The following WDR37 variants were observed in gnomAD, a reference collection of about 807,000 sequenced individuals.
WDR37 encodes the protein WD repeat domain 37, also known as WD repeat-containing protein 37.
A neutral mutation model predicts 62.9 loss-of-function variants in WDR37; 19 were observed. The observed-to-expected ratio is 0.30, with a 90% CI of 0.21 to 0.44. The LOEUF is 0.44. Among genes scored for constraint, WDR37 ranks in the 20% least tolerant of loss-of-function variants. The pLI is 1.00. For missense variants in WDR37, 474 were observed against 657.6 expected (o/e 0.72, Z 3.05); for synonymous variants, 250 against 260.9 (o/e 0.96, Z 0.40).
At chr10:1,067,513 A>T (rs975508283) in intron 1 of WDR37, among the ~76,000 whole-genome samples, 1 of 152,228 alleles carries the variant, frequency 6.6e-6, no homozygotes, top group Non-Finnish European at 1.5e-5. Context: ...TTGCAGCTTA[A>T]CCTATGTGAC....
intron 2 of WDR37, among the ~76,000 whole-genome samples, chr10:1,074,723 T>TGAC (rs1833818154): frequency 1.3e-5 from 2 of 152,170 alleles, no homozygotes; most frequent in African/African-American, 4.8e-5. Context: ...CAGTGTAGAG[T>TGAC]GACGCCCTTT....
intron 5 of WDR37, 30 bp from the exon 6 acceptor site, chr10:1,084,373 G>T (rs1307315451): frequency 6.3e-7 from 1 of 1,595,788 alleles, no homozygotes; most frequent in South Asian, 1.1e-5. Flanking sequence ...TCAGTAAATT[G>T]TTTCACAAGA....
In WDR37 at chr10:1,132,302, A is replaced by T. The variant is rs1589131669; in HGVS notation, c.*2958A>T. 6.6e-6 allele frequency: 1 copy of T among 152,148 alleles called. No individual in the cohort carries two copies. Among genetic ancestry groups the T allele is most frequent in the African/African-American group, 2.4e-5 (1 of 41,426 alleles). The allele number at this position is 152,148 out of a possible 1,614,324, so 9.4% of individuals were successfully genotyped here. A position where few individuals can be genotyped will look rare whatever the true frequency, so the allele number is the denominator to read the frequency against. On this transcript the variant is annotated 3_prime_UTR_variant, in exon 14 of 14. Coordinates refer to ENST00000263150, the MANE Select transcript of WDR37 (RefSeq NM_014023.4). ...AAATATAATACTGGTCACTCGAAAAATTTTTAGACTTAAAAAGTCAGTTGT... is the reference window on the plus strand; with the variant it reads ...AAATATAATACTGGTCACTCGAAAATTTTTTAGACTTAAAAAGTCAGTTGT...
At chr10:1,126,412 A>AC (rs1189937389) in intron 13 of WDR37, among the ~76,000 whole-genome samples, 10 of 151,644 alleles carry the variant, frequency 6.6e-5, no homozygotes, top group East Asian at 1.9e-4. Context: ...TCTCAGAAAA[A>AC]AAAAAAAGAA....
At chr10:1,057,798 A>G (rs1454005949) in intron 1 of WDR37, among the ~76,000 whole-genome samples, 1 of 152,244 alleles carries the variant, frequency 6.6e-6, no homozygotes, top group Non-Finnish European at 1.5e-5. Context: ...GGATACCATT[A>G]TAGAAAAGTG....
intron 11 of WDR37, among the ~76,000 whole-genome samples, chr10:1,111,636 T>C (rs542106967): frequency 2.6e-5 from 4 of 152,358 alleles, no homozygotes; most frequent in Admixed American, 6.5e-5. Context: ...GTCTTATTTC[T>C]TTCCACTCTG....
At chr10:1,057,313 G>GGGCGCTGGAGGGCCCGGGGC (rs61571350) in intron 1 of WDR37, among the ~76,000 whole-genome samples, 131,834 of 146,462 alleles carry the variant, frequency 0.9, 58,643 homozygotes, top group South Asian at 0.96. Flanking sequence ...GGAAGAGTCG[G>GGGCGCTGGAGGGCCCGGGGC]GGCGCTGGAG....
Position 1,056,495 on chromosome 10 carries a change from G to A in WDR37, c.-514G>A, listed in dbSNP as rs888927235. On this transcript the variant is annotated 5_prime_UTR_variant, in exon 1 of 14. Coordinates refer to ENST00000263150, the MANE Select transcript of WDR37 (RefSeq NM_014023.4). ...GGGTCTCAGGCCTCAGGCGGACCGC[G>A]CCCCGGGCTCGCAGCCCTCCCGCCC... 2.0e-5 allele frequency: 3 copies of A among 152,086 alleles called. No homozygotes were observed. The highest frequency in any genetic ancestry group is 2.9e-5 in the Non-Finnish European group (2 of 68,032). 9.4% of individuals were successfully genotyped at this position (152,086 alleles called of 1,614,324 possible). A position where few individuals can be genotyped will look rare whatever the true frequency, so the allele number is the denominator to read the frequency against.
At chr10:1,071,142 C>T (rs1168687779) in intron 1 of WDR37, among the ~76,000 whole-genome samples, 1 of 152,150 alleles carries the variant, frequency 6.6e-6, no homozygotes, top group African/African-American at 2.4e-5. Flanking sequence ...TTCACAGAAC[C>T]ATCCCCTGCT....
intron 6 of WDR37, 43 bp downstream of exon 6, chr10:1,084,581 G>T (rs948934922): frequency 1.9e-6 from 3 of 1,599,282 alleles, no homozygotes; most frequent in Non-Finnish European, 2.6e-6. Flanking sequence ...AAGCATGGCT[G>T]TGCTTAATCC....
intron 5 of WDR37, among the ~76,000 whole-genome samples, chr10:1,082,933 A>C (rs905623021): frequency 6.6e-6 from 1 of 152,232 alleles, no homozygotes; most frequent in Non-Finnish European, 1.5e-5. Flanking sequence ...AGAGATTTGG[A>C]AAATGAAATT....
rs56654628 is a variant in WDR37, at chr10:1,113,950, C to CTTTTTTTT, written c.1103+8699_1103+8706dup. Among the ~76,000 whole-genome samples the CTTTTTTTT allele has an allele frequency of 9.1e-3, 696 of 76,184 alleles. 82 individuals carry two copies. The highest frequency in any genetic ancestry group is 0.038 in the Middle Eastern group (2 of 52). 50.0% of individuals were successfully genotyped at this position (76,184 alleles called of 152,430 possible). A position where few individuals can be genotyped will look rare whatever the true frequency, so the allele number is the denominator to read the frequency against. ...TGAGGTTCAATTGTGGGTAAAATGC[C>CTTTTTTTT]TTTTTTTTTTTTTTTTTTTTTTTAA... On this transcript the variant is annotated intron_variant, in intron 11 of 13. Coordinates refer to ENST00000263150, the MANE Select transcript of WDR37 (RefSeq NM_014023.4).
intron 8 of WDR37, 42 bp from the exon 9 acceptor site, chr10:1,096,128 T>C (rs1343395943): frequency 3.7e-6 from 6 of 1,603,608 alleles, no homozygotes; most frequent in Non-Finnish European, 5.1e-6. Flanking sequence ...CATTTTACCA[T>C]GGTCTGTGCC....
intron 2 of WDR37, among the ~76,000 whole-genome samples, chr10:1,075,027 G>A (rs535894323): frequency 6.6e-6 from 1 of 152,216 alleles, no homozygotes; most frequent in Non-Finnish European, 1.5e-5. Flanking sequence ...CTGAGTCACG[G>A]CAGTAGTGTC....
chr10:1,063,978 G>T (rs778599739), intron 1 of WDR37, among the ~76,000 whole-genome samples: 4 of 152,184 alleles, frequency 2.6e-5, no homozygotes, highest in Admixed American at 6.5e-5. Context: ...AAAGACCACT[G>T]ATGCCAACGT....
At chr10:1,058,626 T>A (rs1833275825) in intron 1 of WDR37, among the ~76,000 whole-genome samples, 1 of 152,272 alleles carries the variant, frequency 6.6e-6, no homozygotes, top group Non-Finnish European at 1.5e-5. Context: ...CCTAATTGAT[T>A]GTCATCCACA....
At chr10:1,088,526 A>G (rs2131635834) in intron 7 of WDR37, among the ~76,000 whole-genome samples, 1 of 152,212 alleles carries the variant, frequency 6.6e-6, no homozygotes, top group South Asian at 2.1e-4. Context: ...TGGTTGGTGG[A>G]GCAGTCATAA....
chr10:1,075,839 T>C (rs1456289058), intron 2 of WDR37, among the ~76,000 whole-genome samples: 1 of 150,564 alleles, frequency 6.6e-6, no homozygotes, highest in Non-Finnish European at 1.5e-5. Flanking sequence ...TAGAGTGCGG[T>C]ACTGATCTTG....
intron 11 of WDR37, among the ~76,000 whole-genome samples, chr10:1,117,520 C>G (rs1320309121): frequency 6.6e-6 from 1 of 152,234 alleles, no homozygotes; most frequent in Non-Finnish European, 1.5e-5. Flanking sequence ...TTGAATCGCT[C>G]TACTGGACAG....
Sources: allele counts gnomAD v4.1 joint callset (sites outside exome capture counted in the v4.1 genomes callset), GRCh38; gene constraint gnomAD v4.1.1; transcripts MANE v1.5; gene names NCBI Gene and HGNC (gene_info 2026-07-23, HGNC 2026-07-21).